DEFB4B: variants seen among roughly 807,000 people sequenced by gnomAD.
DEFB4B encodes the protein defensin beta 4B.
intron 1 of DEFB4B, among the ~76,000 whole-genome samples, chr8:7,416,389 T>C (rs1000616016): frequency 1.3e-5 from 2 of 151,796 alleles, no homozygotes; most frequent in African/African-American, 2.4e-5. Flanking sequence ...GAAGAGATGA[T>C]ATTTACAAGC....
chr8:7,415,559 G>C (rs1326477625), intron 1 of DEFB4B, among the ~76,000 whole-genome samples: 1 of 151,518 alleles, frequency 6.6e-6, no homozygotes, highest in Non-Finnish European at 1.5e-5. Flanking sequence ...GCAACTTACT[G>C]AAATTGTTTA....
At chr8:7,415,698 T>TCCCTCCCC (rs1808811742) in intron 1 of DEFB4B, among the ~76,000 whole-genome samples, 3 of 85,670 alleles carry the variant, frequency 3.5e-5, no homozygotes, top group Admixed American at 1.4e-4. Context: ...TATCCCTCCC[T>TCCCTCCCC]CCCTCCCTCC....
At chr8:7,415,777 C>CTCCCTGCT (rs1808823468) in intron 1 of DEFB4B, among the ~76,000 whole-genome samples, 1 of 146,436 alleles carries the variant, frequency 6.8e-6, no homozygotes, top group South Asian at 2.2e-4. Context: ...GCCTCCCTGC[C>CTCCCTGCT]TCCCCGCCTT....
At chr8:7,415,689 A>ATCTCTCCC (rs1808809654) in intron 1 of DEFB4B, among the ~76,000 whole-genome samples, 4 of 67,366 alleles carry the variant, frequency 5.9e-5, no homozygotes, top group African/African-American at 2.1e-4. Flanking sequence ...TTCTTTTTTT[A>ATCTCTCCC]TCCCTCCCTC....
At chr8:7,416,224 T>C (rs1220345251) in intron 1 of DEFB4B, among the ~76,000 whole-genome samples, 2 of 151,620 alleles carry the variant, frequency 1.3e-5, no homozygotes, top group Non-Finnish European at 2.9e-5. Context: ...TCTGGAATTC[T>C]CTAGGTTGCA....
intron 1 of DEFB4B, among the ~76,000 whole-genome samples, chr8:7,415,474 C>A (rs1253825373): frequency 1.2e-4 from 18 of 151,228 alleles, no homozygotes; most frequent in African/African-American, 4.1e-4. Context: ...TTTTAACACA[C>A]ACAAGCCAGT....
At chr8:7,415,371 G>A (rs1193210241) in intron 1 of DEFB4B, among the ~76,000 whole-genome samples, 3 of 151,384 alleles carry the variant, frequency 2.0e-5, no homozygotes, top group Non-Finnish European at 4.4e-5. Context: ...AGTGACTGGG[G>A]CCTCCAGGTG....
chr8:7,415,867 A>G (rs1460798839), intron 1 of DEFB4B, among the ~76,000 whole-genome samples: 25 of 148,774 alleles, frequency 1.7e-4, no homozygotes, highest in Admixed American at 4.8e-4. Flanking sequence ...CACAAAACCC[A>G]GGACTCATAA....
intron 1 of DEFB4B, among the ~76,000 whole-genome samples, chr8:7,415,650 A>C (rs1808807208): frequency 6.7e-6 from 1 of 148,328 alleles, no homozygotes; most frequent in Non-Finnish European, 1.5e-5. Context: ...CTTGTTTCTA[A>C]TATCTAAGTC....
intron 1 of DEFB4B, among the ~76,000 whole-genome samples, chr8:7,416,296 A>T (rs1303271861): frequency 6.6e-6 from 1 of 151,700 alleles, no homozygotes; most frequent in Non-Finnish European, 1.5e-5. Flanking sequence ...TCTTTAGATA[A>T]AATCAAAATT....
chr8:7,416,182 G>C (rs535734560), intron 1 of DEFB4B, among the ~76,000 whole-genome samples: 2 of 151,130 alleles, frequency 1.3e-5, no homozygotes, highest in South Asian at 2.1e-4. Context: ...TGCTGCAGTA[G>C]TTCTCACAGT....
At chr8:7,416,379 G>A (rs1326689413) in intron 1 of DEFB4B, among the ~76,000 whole-genome samples, 17 of 151,878 alleles carry the variant, frequency 1.1e-4, no homozygotes, top group African/African-American at 4.1e-4. Context: ...GGAAAGCAGT[G>A]AAGAGATGAT....
At chr8:7,415,723 CCTT>C (rs1485343557) in intron 1 of DEFB4B, among the ~76,000 whole-genome samples, 1 of 123,840 alleles carries the variant, frequency 8.1e-6, no homozygotes, top group Non-Finnish European at 1.7e-5. Flanking sequence ...CTCCCTCCCT[CCTT>C]CCCTCCCTCC....
intron 1 of DEFB4B, among the ~76,000 whole-genome samples, chr8:7,416,415 T>C (rs1808863322): frequency 6.6e-6 from 1 of 151,908 alleles, no homozygotes; most frequent in South Asian, 2.1e-4. Context: ...GGCTCCTTCA[T>C]ATTGGCTTAG....
chr8:7,416,354 C>T (rs1306893172), intron 1 of DEFB4B, among the ~76,000 whole-genome samples: 1 of 151,740 alleles, frequency 6.6e-6, no homozygotes, highest in Non-Finnish European at 1.5e-5. Context: ...ACCATAGTCT[C>T]AGCAGTTGTA....
chr8:7,415,689 A>ATCCCTCTCTCCCTCCCTCCCTCCC (rs1808809837), intron 1 of DEFB4B, among the ~76,000 whole-genome samples: 1 of 67,366 alleles, frequency 1.5e-5, no homozygotes. Context: ...TTCTTTTTTT[A>ATCCCTCTCTCCCTCCCTCCCTCCC]TCCCTCCCTC....
At chr8:7,415,716 C>T (rs1808815444) in intron 1 of DEFB4B, among the ~76,000 whole-genome samples, 1 of 129,456 alleles carries the variant, frequency 7.7e-6, no homozygotes, top group African/African-American at 2.9e-5. Context: ...TCCCTCCCTC[C>T]CTCCCTCCTT....
At chr8:7,415,884 T>C (rs1301468136) in intron 1 of DEFB4B, among the ~76,000 whole-genome samples, 2 of 148,594 alleles carry the variant, frequency 1.3e-5, no homozygotes, top group East Asian at 1.9e-4. Flanking sequence ...ATAAATAAGA[T>C]TGGTAAAATG....
intron 1 of DEFB4B, among the ~76,000 whole-genome samples, 170 bp downstream of exon 1, chr8:7,416,600 G>A (rs1340507700): frequency 6.7e-6 from 1 of 148,724 alleles, no homozygotes; most frequent in Non-Finnish European, 1.5e-5. Flanking sequence ...AAAAAAGAGA[G>A]AGAGGGAAGA....
Sources: allele counts gnomAD v4.1 joint callset (sites outside exome capture counted in the v4.1 genomes callset), GRCh38; gene constraint gnomAD v4.1.1; transcripts MANE v1.5; gene names NCBI Gene and HGNC (gene_info 2026-07-23, HGNC 2026-07-21).